Variants in LCT observed in about 807,000 individuals in gnomAD.
LCT encodes the protein lactase, also known as lactase/phlorizin hydrolase.
Under a neutral mutation model 173.0 loss-of-function variants are expected in LCT, and 90 were observed. The ratio of observed to expected loss-of-function variants is 0.52; its 90% CI spans 0.44 to 0.62. The LOEUF is 0.62. Ranked by LOEUF, LCT falls within the 20% of genes least tolerant of loss-of-function variation. The probability of loss-of-function intolerance (pLI) is 0.00; values close to 1 mark genes in which losing one functional copy is unlikely to be tolerated. For missense variants in LCT, 1,864 were observed against 2,431.4 expected (o/e 0.77, Z 4.91); for synonymous variants, 853 against 957.6 (o/e 0.89, Z 2.02).
At chr2:135,801,822 T>C (rs899197416) in intron 11 of LCT, among the ~76,000 whole-genome samples, 8 of 151,908 alleles carry the variant, frequency 5.3e-5, no homozygotes, top group African/African-American at 1.9e-4. Flanking sequence ...GATCCACCTG[T>C]CTTGGCCTCC....
Position 135,812,437 on chromosome 2 carries a change from A to T in LCT, c.2227T>A (p.Tyr743Asn). ...RRLLQFVSLE[Y>N]TRGKVPIYLA... is the part of the protein sequence containing the mutation. ...TATATTGGAACTTTTCCTCTTGTGT[A>T]TTCCAGGGATACAAACTGCAACAGC... The change falls in exon 7 of 17, where the codon TAC (tyrosine) becomes AAC (asparagine). Residue 743 changes from tyrosine (Y) to asparagine (N), a missense_variant. Coordinates refer to ENST00000264162, the MANE Select transcript of LCT (RefSeq NM_002299.4). 1 of 1,614,208 alleles carries T rather than the reference A, an allele frequency of 6.2e-7. No individual in the cohort carries two copies. The highest frequency in any genetic ancestry group is 8.5e-7 in the Non-Finnish European group (1 of 1,180,038).
rs1459275577 is a variant in LCT, at chr2:135,817,746, G to A, written c.1302C>T (p.His434=). The change falls in exon 6 of 17, where the codon CAC becomes CAT. Residue 434 remains histidine (H), a synonymous_variant. Coordinates refer to ENST00000264162, the MANE Select transcript of LCT (RefSeq NM_002299.4). Reference sequence around the variant, plus strand: ...GCAGGGCGACGTCAGAGGCTACCTTGTGGTAACTGTCGCTGGCCACCTCCA... The same window carrying A: ...GCAGGGCGACGTCAGAGGCTACCTTATGGTAACTGTCGCTGGCCACCTCCA... ...ATLEVASDSY[H]KVASDVALLC... 2 of 1,614,042 alleles carry A rather than the reference G, an allele frequency of 1.2e-6. No individual in the cohort carries two copies. Among genetic ancestry groups the A allele is most frequent in the Non-Finnish European group, 1.7e-6 (2 of 1,180,040 alleles).
chr2:135,791,884 A>G (rs1226716049), intron 14 of LCT, among the ~76,000 whole-genome samples: 1 of 152,266 alleles, frequency 6.6e-6, no homozygotes, highest in Admixed American at 6.5e-5. Context: ...ATGGCAGATA[A>G]GAGACAGGAC....
In LCT at chr2:135,812,764, G is replaced by C; in HGVS notation, c.1900C>G (p.Pro634Ala). 1 of 1,614,136 alleles carries C rather than the reference G, an allele frequency of 6.2e-7. No individual in the cohort carries two copies. Among genetic ancestry groups the C allele is most frequent in the Non-Finnish European group, 8.5e-7 (1 of 1,180,030 alleles). The change falls in exon 7 of 17, where the codon CCC becomes GCC. Residue 634 changes from proline to alanine, a missense_variant. This residue lies in a region of LCT where 755 missense variants were observed against 926.3 expected (regional missense o/e 0.82). Transcript: ENST00000264162. ...LHFMLGWFAH[P>A]VFVDGDYPAT... Reference sequence around the variant, plus strand: ...GGGTAGTCTCCATCCACAAAGACGGGGTGTGCAAACCAGCCCAGCATGAAG... The same window carrying C: ...GGGTAGTCTCCATCCACAAAGACGGCGTGTGCAAACCAGCCCAGCATGAAG...
rs1201370072 is a variant in LCT, at chr2:135,809,250, A to G, written c.3097T>C (p.Trp1033Arg). The G allele has an allele frequency of 5.0e-6, 8 of 1,614,094 alleles. No homozygotes were observed. Among genetic ancestry groups the G allele is most frequent in the Non-Finnish European group, 6.8e-6 (8 of 1,180,020 alleles). The change falls in exon 8 of 17, where the codon TGG becomes CGG. Residue 1033 changes from tryptophan (W) to arginine (R), a missense_variant. By Grantham distance (101) the Trp-to-Arg change is moderately radical. Transcript: ENST00000264162. This position sits in a 1 kb window ranked among gnomAD's most constrained non-coding sequence, Gnocchi z 5.5. ...LPQALQDIGG[W>R]ENPALIDLFD... is the part of the protein sequence containing the mutation. ...AAGTCAATCAAGGCAGGATTCTCCC[A>G]GCCTCCGATATCCTGGAGGGCCTGG...
At chr2:135,797,228 G>A (rs1323867887) in intron 13 of LCT, among the ~76,000 whole-genome samples, 1 of 152,024 alleles carries the variant, frequency 6.6e-6, no homozygotes, top group African/African-American at 2.4e-5. Flanking sequence ...GATTACAGGT[G>A]TGAGCCACCG....
At chr2:135,807,015 A>G (rs1044671915) in intron 9 of LCT, 113 bp downstream of exon 9, 8 of 1,253,554 alleles carry the variant, frequency 6.4e-6, no homozygotes, top group Non-Finnish European at 8.1e-6. Flanking sequence ...CTGCCCCTCC[A>G]TGGGTCTGCT....
chr2:135,788,142 A>G lies in LCT; in HGVS notation c.*182T>C, dbSNP rs2077506270. 1 of 651,718 alleles carries G rather than the reference A, an allele frequency of 1.5e-6. No homozygotes were observed. Among genetic ancestry groups the G allele is most frequent in the East Asian group, 2.6e-5 (1 of 39,074 alleles). 40.4% of individuals were successfully genotyped at this position (651,718 alleles called of 1,614,324 possible). A position where few individuals can be genotyped will look rare whatever the true frequency, so the allele number is the denominator to read the frequency against. ...GAACTCTGATACTGGAGCAAGATGG[A>G]GATATTTCCATTTTACTCAGCAAGT... is the stretch of plus-strand genomic sequence containing the variant. On this transcript the variant is annotated 3_prime_UTR_variant, in exon 17 of 17. Transcript: ENST00000264162.
intron 3 of LCT, among the ~76,000 whole-genome samples, chr2:135,825,326 C>T (rs964251730): frequency 6.6e-6 from 1 of 152,172 alleles, no homozygotes; most frequent in Non-Finnish European, 1.5e-5. Context: ...CTCGAGAGGC[C>T]GAGCGGGTTG....
chr2:135,832,164 C>T (rs780791101), intron 2 of LCT, among the ~76,000 whole-genome samples: 5 of 151,598 alleles, frequency 3.3e-5, no homozygotes, highest in South Asian at 2.1e-4. Flanking sequence ...TGCAGTGAGC[C>T]GAGATCGTGC....
chr2:135,813,659 C>T (rs1236095031), intron 6 of LCT, among the ~76,000 whole-genome samples: 2 of 152,134 alleles, frequency 1.3e-5, no homozygotes, highest in African/African-American at 4.8e-5. Context: ...GAGAACAAGC[C>T]CCTGGCAGTC....
intron 13 of LCT, among the ~76,000 whole-genome samples, chr2:135,795,498 C>A (rs2077574361): frequency 6.6e-6 from 1 of 151,926 alleles, no homozygotes; most frequent in African/African-American, 2.4e-5. Flanking sequence ...CATGAGCCAC[C>A]ACACCCGGCC....
intron 1 of LCT, 66 bp from the exon 2 acceptor site, chr2:135,833,256 C>G: frequency 1.8e-6 from 2 of 1,087,342 alleles, no homozygotes; most frequent in South Asian, 1.2e-5. Flanking sequence ...GTGGAAACCA[C>G]TGGGGGATTC....
intron 3 of LCT, among the ~76,000 whole-genome samples, chr2:135,828,098 C>T (rs973647264): frequency 1.1e-4 from 16 of 152,244 alleles, no homozygotes; most frequent in Middle Eastern, 3.4e-3. Context: ...AATCTTGGCT[C>T]GCTGCAACCT....
At chr2:135,826,610 T>G (rs1422651717) in intron 3 of LCT, among the ~76,000 whole-genome samples, 1 of 151,754 alleles carries the variant, frequency 6.6e-6, no homozygotes, top group African/African-American at 2.4e-5. Flanking sequence ...AGACTGAAAA[T>G]CACATCCTCA....
Position 135,788,267 on chromosome 2 carries a change from C to T in LCT, c.*57G>A, listed in dbSNP as rs768723954. On this transcript the variant is annotated 3_prime_UTR_variant, in exon 17 of 17. Coordinates refer to ENST00000264162, the MANE Select transcript of LCT (RefSeq NM_002299.4). ...CTAAGACCCTAAGGTGTTTGGTGGC[C>T]GGTAAACATAGATGAAGAAACTAGG... The T allele has an allele frequency of 2.7e-5, 34 of 1,280,516 alleles. No individual in the cohort carries two copies. The highest frequency in any genetic ancestry group is 4.6e-4 in the Middle Eastern group (2 of 4,316). 79.3% of individuals were successfully genotyped at this position (1,280,516 alleles called of 1,614,324 possible).
intron 7 of LCT, 37 bp downstream of exon 7, chr2:135,812,274 C>T (rs1178103045): frequency 2.4e-5 from 37 of 1,566,234 alleles, no homozygotes; most frequent in African/African-American, 4.0e-5. Context: ...AGAAGTACCA[C>T]CCACCTTCCA....
At position 135,790,146 on chromosome 2, in the gene LCT, TTAGA is replaced by T; in HGVS notation, c.5336-352_5336-349del. On this transcript the variant is annotated intron_variant, in intron 15 of 16. Coordinates refer to ENST00000264162, the MANE Select transcript of LCT (RefSeq NM_002299.4). This position sits in a 1 kb window ranked among gnomAD's most constrained non-coding sequence, Gnocchi z 4.1. ...TGCTTCTCCCTGTAGAAAATAGCCCTTAGATAGAATATATTTCAGCTGGGTAGGA... is the reference window on the plus strand; with the variant it reads ...TGCTTCTCCCTGTAGAAAATAGCCCTTAGAATATATTTCAGCTGGGTAGGA... 6.6e-6 allele frequency among the ~76,000 whole-genome samples: 1 copy of T among 152,240 alleles called. No individual in the cohort carries two copies.
At chr2:135,816,872 T>G (rs1172843258) in intron 6 of LCT, among the ~76,000 whole-genome samples, 1 of 43,642 alleles carries the variant, frequency 2.3e-5, no homozygotes, top group Non-Finnish European at 1.6e-4. Context: ...TGATTAACAA[T>G]TTTTTTTTTT....
Sources: gnomAD v4.1 joint callset for allele counts (sites outside exome capture counted in the v4.1 genomes callset) on GRCh38, gnomAD v4.1.1 for gene constraint, gnomAD v4.1.1 regional missense constraint, Gnocchi (gnomAD v3.1) non-coding constraint, MANE v1.5 for transcripts, NCBI Gene and HGNC (gene_info 2026-07-23, HGNC 2026-07-21) for gene names.